The following GPHN variants were observed in gnomAD, a reference collection of about 807,000 sequenced individuals.
The protein encoded by GPHN is gephyrin.
In GPHN, 17 loss-of-function variants were observed where a neutral mutation model predicts 95.5. That is an observed-to-expected ratio of 0.18 (90% CI 0.12 to 0.27). The LOEUF is 0.27. Ranked by LOEUF, GPHN falls within the 10% of genes least tolerant of loss-of-function variation. GPHN has a pLI of 1.00. For missense variants in GPHN, 660 were observed against 978.1 expected (o/e 0.67, Z 4.34); for synonymous variants, 320 against 322.5 (o/e 0.99, Z 0.08).
chr14:67,407,025 G>C, the GPHN span, among the ~76,000 whole-genome samples: 1 of 152,114 alleles, frequency 6.6e-6, no homozygotes, highest in African/African-American at 2.4e-5. Context: ...AAGGACGAGG[G>C]GCCCATAAGC....
chr14:66,551,606 G>A (rs774380940), intron 1 of GPHN, among the ~76,000 whole-genome samples: 2 of 152,076 alleles, frequency 1.3e-5, no homozygotes, highest in South Asian at 2.1e-4. Context: ...ATTCTTGCAC[G>A]GCTATAAAGA....
chr14:66,580,866 A>G (rs1196441842), intron 1 of GPHN, among the ~76,000 whole-genome samples: 5 of 151,716 alleles, frequency 3.3e-5, no homozygotes, highest in Admixed American at 3.3e-4. Flanking sequence ...CACTACAAGA[A>G]AAAAAAATGC....
chr14:67,220,926 T>A, the GPHN span, among the ~76,000 whole-genome samples: 1 of 152,244 alleles, frequency 6.6e-6, no homozygotes, highest in Non-Finnish European at 1.5e-5. Context: ...TGTCTTTGCA[T>A]GTTTATTTTG....
At chr14:67,216,926 A>T in the GPHN span, among the ~76,000 whole-genome samples, 2 of 152,152 alleles carry the variant, frequency 1.3e-5, no homozygotes, top group Non-Finnish European at 2.9e-5. Flanking sequence ...CTGTTAAGTC[A>T]TTTGGTCTGT....
At chr14:67,485,667 A>G in the GPHN span, among the ~76,000 whole-genome samples, 1 of 152,320 alleles carries the variant, frequency 6.6e-6, no homozygotes, top group South Asian at 2.1e-4. Context: ...AACAGCCTTC[A>G]GGCCAGACAG....
At chr14:66,637,795 G>T (rs955336830) in intron 1 of GPHN, among the ~76,000 whole-genome samples, 4 of 152,094 alleles carry the variant, frequency 2.6e-5, no homozygotes, top group Non-Finnish European at 5.9e-5. Context: ...TAAGTATGAG[G>T]TTAATTTTGT....
chr14:66,661,284 C>A (rs1286315615), intron 1 of GPHN, among the ~76,000 whole-genome samples: 1 of 152,202 alleles, frequency 6.6e-6, no homozygotes, highest in Non-Finnish European at 1.5e-5. Context: ...GCGGGAGGGG[C>A]AGACTACCAT....
the GPHN span, chr14:67,200,094 A>T: frequency 9.9e-7 from 1 of 1,008,918 alleles, no homozygotes; most frequent in South Asian, 1.6e-5. Flanking sequence ...CTTATCCTGG[A>T]CCTCCTCCAA....
intron 10 of GPHN, among the ~76,000 whole-genome samples, chr14:67,030,544 T>C (rs1397152967): frequency 1.3e-5 from 2 of 152,170 alleles, no homozygotes; most frequent in African/African-American, 2.4e-5. Context: ...TAGTTCCCTC[T>C]TTCCCAAAAT....
At chr14:67,190,703 A>T in the GPHN span, among the ~76,000 whole-genome samples, 20 of 152,218 alleles carry the variant, frequency 1.3e-4, no homozygotes, top group Non-Finnish European at 2.8e-4. Flanking sequence ...GCATGGGGAT[A>T]TCATTTTCAA....
the GPHN span, among the ~76,000 whole-genome samples, chr14:67,696,693 G>C: frequency 6.6e-6 from 1 of 151,986 alleles, no homozygotes; most frequent in Non-Finnish European, 1.5e-5. Flanking sequence ...CCATGAATAT[G>C]TTCTCTGTGA....
At chr14:67,651,242 C>T in the GPHN span, 1 of 1,495,486 alleles carries the variant, frequency 6.7e-7, no homozygotes, top group Admixed American at 2.3e-5. Context: ...TTTCATCTTT[C>T]CTCCCTCCTC....
the GPHN span, among the ~76,000 whole-genome samples, chr14:67,537,390 T>TAAAAA: frequency 8.6e-6 from 1 of 116,290 alleles, no homozygotes; most frequent in Non-Finnish European, 2.0e-5. Context: ...AAAAACTTAA[T>TAAAAA]CTTAGGCTGG....
At chr14:67,594,012 C>A in the GPHN span, 7 of 1,113,556 alleles carry the variant, frequency 6.3e-6, no homozygotes, top group Non-Finnish European at 9.4e-6. Context: ...CAACTCCAGG[C>A]AATGAGGGGA....
At chr14:67,537,119 T>C in the GPHN span, among the ~76,000 whole-genome samples, 2 of 147,792 alleles carry the variant, frequency 1.4e-5, no homozygotes, top group African/African-American at 5.1e-5. Flanking sequence ...ATGAGGCAGG[T>C]AGATCACTTG....
chr14:66,530,331 C>T (rs1175237776), intron 1 of GPHN, among the ~76,000 whole-genome samples: 2 of 152,134 alleles, frequency 1.3e-5, no homozygotes, highest in African/African-American at 4.8e-5. Flanking sequence ...CAACTTCAGA[C>T]TGCTGTGCTG....
intron 3 of GPHN, among the ~76,000 whole-genome samples, chr14:66,802,710 T>C (rs2060403238): frequency 6.6e-6 from 1 of 152,172 alleles, no homozygotes; most frequent in African/African-American, 2.4e-5. Flanking sequence ...TACAAGGCTG[T>C]GGGTTCCCTT....
the GPHN span, among the ~76,000 whole-genome samples, chr14:67,550,158 T>TAAAAAAAA: frequency 2.1e-5 from 3 of 145,248 alleles, no homozygotes; most frequent in East Asian, 2.0e-4. Flanking sequence ...GATCTGTTGC[T>TAAAAAAAA]AAAAAAAAAA....
chr14:66,658,829 T>C (rs1380126101), intron 1 of GPHN, among the ~76,000 whole-genome samples: 2 of 151,980 alleles, frequency 1.3e-5, no homozygotes, highest in Non-Finnish European at 2.9e-5. Flanking sequence ...ACCTCCAAGG[T>C]GTGCTTGTAA....
Sources: gnomAD v4.1 joint callset for allele counts (sites outside exome capture counted in the v4.1 genomes callset) on GRCh38, gnomAD v4.1.1 for gene constraint, MANE v1.5 for transcripts, NCBI Gene and HGNC (gene_info 2026-07-23, HGNC 2026-07-21) for gene names.